The following FBXO25 variants were observed in gnomAD, a reference collection of about 807,000 sequenced individuals.
FBXO25 encodes the protein F-box protein 25, also known as F-box only protein 25.
FBXO25 carries 45 observed loss-of-function variants against 51.9 expected under a neutral mutation model. That is an observed-to-expected ratio of 0.87 (90% CI 0.68 to 1.11). FBXO25 has a LOEUF of 1.11. Among genes scored for constraint, FBXO25 ranks in the 50% most tolerant of loss-of-function variants. FBXO25 has a pLI of 0.00. For missense variants in FBXO25, 507 were observed against 428.5 expected (o/e 1.18, Z -1.62); for synonymous variants, 199 against 151.0 (o/e 1.32, Z -2.33).
rs750173761 is a variant in FBXO25 at position 450,075 on chromosome 8, T to C, written c.467T>C (p.Val156Ala). 1.2e-6 allele frequency: 2 copies of C among 1,609,604 alleles called. No individual in the cohort carries two copies. The highest frequency in any genetic ancestry group is 1.7e-6 in the Non-Finnish European group (2 of 1,176,894). Residue 156 changes from valine to alanine, a missense_variant, in exon 6 of 10, where the codon GTT becomes GCT. By Grantham distance (64) the Val-to-Ala change is moderately conservative. Transcript: ENST00000350302. ...TACTTCAACATTTTGGATAAAATCG[T>C]TCAAAAGGGTAAGATGATCACTGTA... is the stretch of plus-strand genomic sequence containing the variant. ...KNYFNILDKI[V>A]QKVLDDHHNP...
chr8:413,181 A>T lies in FBXO25; in HGVS notation c.102A>T (p.Arg34Ser). 6.2e-7 allele frequency: 1 copy of T among 1,609,352 alleles called. No homozygotes were observed. The highest frequency in any genetic ancestry group is 8.5e-7 in the Non-Finnish European group (1 of 1,178,286). ...RCESCSQKLE[R>S]ENNRCNISHS... ...AATCTTGTAGTCAGAAACTTGAAAG[A>T]GAGAATAACCGTTGTAACATCAGTC... Residue 34 changes from arginine (R) to serine (S), a missense_variant, in exon 2 of 10, where the codon AGA becomes AGT. By Grantham distance (110) the Arg-to-Ser change is moderately radical (BLOSUM62 -1). Coordinates refer to ENST00000350302, the MANE Select transcript of FBXO25 (RefSeq NM_183420.2).
intron 4 of FBXO25, among the ~76,000 whole-genome samples, chr8:434,630 A>T (rs1797996489): frequency 6.6e-6 from 1 of 152,090 alleles, no homozygotes; most frequent in Non-Finnish European, 1.5e-5. Context: ...ATCTCAAGTC[A>T]CCTGTTTGGA....
At chr8:463,174 G>A in intron 9 of FBXO25, 24 bp downstream of exon 9, 1 of 1,600,698 alleles carries the variant, frequency 6.2e-7, no homozygotes, top group Non-Finnish European at 8.5e-7. Flanking sequence ...TGCACTCTTG[G>A]AATTTCAGGA....
chr8:423,332 C>T (rs1348579817), intron 2 of FBXO25, among the ~76,000 whole-genome samples: 3 of 152,118 alleles, frequency 2.0e-5, no homozygotes, highest in Non-Finnish European at 4.4e-5. Flanking sequence ...TACAGGGGGT[C>T]CATGTACAGA....
rs866346341 is a variant in FBXO25, at chr8:463,074, A to G, written c.911A>G (p.Gln304Arg). The G allele has an allele frequency of 6.2e-7, 1 of 1,613,984 alleles. No individual in the cohort carries two copies. Among genetic ancestry groups the G allele is most frequent in the African/African-American group, 1.3e-5 (1 of 74,946 alleles). Residue 304 changes from glutamine to arginine, a missense_variant, in exon 9 of 10, where the codon CAG becomes CGG. Transcript: ENST00000350302. ...TGGAAGTTGATGTACTTTGCACTTCAGAAACATTACCCAGCGAAGGAGCAG... is the reference window on the plus strand; with the variant it reads ...TGGAAGTTGATGTACTTTGCACTTCGGAAACATTACCCAGCGAAGGAGCAG... Reference protein sequence around the residue: ...IEWKLMYFALQKHYPAKEQYG... With the variant: ...IEWKLMYFALRKHYPAKEQYG...
chr8:440,815 C>T (rs1385062705), intron 5 of FBXO25, among the ~76,000 whole-genome samples: 1 of 148,696 alleles, frequency 6.7e-6, no homozygotes, highest in Non-Finnish European at 1.5e-5. Context: ...TCAGCTCCCA[C>T]TTATGAATAA....
At position 477,745 on chromosome 8, in the gene FBXO25, A is replaced by AAAC. The variant is rs1800685740; in HGVS notation, c.*8942_*8944dup. ...GCACCAGTGCATGTGGCTGTGTTCC[A>AAAC]AACTTTTTGGACAATAAAATCTGAA... On this transcript the variant is annotated 3_prime_UTR_variant, in exon 10 of 10. Coordinates refer to ENST00000350302, the MANE Select transcript of FBXO25 (RefSeq NM_183420.2). 6.6e-6 allele frequency: 1 copy of AAAC among 152,312 alleles called. No homozygotes were observed. The highest frequency in any genetic ancestry group is 1.5e-5 in the Non-Finnish European group (1 of 68,046). The allele number at this position is 152,312 out of a possible 1,614,324, so 9.4% of individuals were successfully genotyped here.
chr8:432,995 A>C (rs1797904969), intron 4 of FBXO25, 60 bp downstream of exon 4: 2 of 1,472,456 alleles, frequency 1.4e-6, no homozygotes, highest in Non-Finnish European at 9.0e-7. Flanking sequence ...ATATGGAGTC[A>C]CATTAAATAA....
At chr8:467,875 A>G (rs1418169859) in intron 9 of FBXO25, 1 of 1,570,290 alleles carries the variant, frequency 6.4e-7, no homozygotes, top group East Asian at 2.3e-5. Flanking sequence ...CTTTCTCAGG[A>G]CCCTGAGCAG....
At chr8:467,790 C>G in intron 9 of FBXO25, 3 of 1,611,282 alleles carry the variant, frequency 1.9e-6, no homozygotes, top group Non-Finnish European at 2.5e-6. Context: ...GGGATGAAAA[C>G]GTTGCATCGT....
At chr8:420,758 G>T (rs1013563458) in intron 2 of FBXO25, among the ~76,000 whole-genome samples, 9 of 152,228 alleles carry the variant, frequency 5.9e-5, no homozygotes, top group Admixed American at 2.6e-4. Context: ...GAACAAATCA[G>T]TGGTTGCCAG....
rs1045824140 is a variant in FBXO25 at position 468,054 on chromosome 8, C to T, written c.988-661C>T. 8.4e-6 allele frequency: 10 copies of T among 1,197,430 alleles called. No homozygotes were observed. In the African/African-American group the frequency reaches 1.6e-4, roughly 19 times the overall value. 74.2% of individuals were successfully genotyped at this position (1,197,430 alleles called of 1,614,324 possible). On this transcript the variant is annotated intron_variant, in intron 9 of 9. Transcript: ENST00000350302. Reference sequence around the variant, plus strand: ...TGCCAGGGCATGCCATGGAGAGATCCAGCACTGACCCCAGAGCCTCTGGTC... The same window carrying T: ...TGCCAGGGCATGCCATGGAGAGATCTAGCACTGACCCCAGAGCCTCTGGTC...
intron 4 of FBXO25, among the ~76,000 whole-genome samples, chr8:435,154 G>A (rs1162521521): frequency 1.3e-5 from 2 of 152,132 alleles, no homozygotes; most frequent in South Asian, 2.1e-4. Context: ...CTTCAAACTC[G>A]GGCAGTGCAT....
At chr8:433,984 T>C (rs1797962972) in intron 4 of FBXO25, among the ~76,000 whole-genome samples, 1 of 152,242 alleles carries the variant, frequency 6.6e-6, no homozygotes, top group African/African-American at 2.4e-5. Flanking sequence ...CCATTAAATA[T>C]TTCATCTGCT....
intron 9 of FBXO25, among the ~76,000 whole-genome samples, chr8:464,108 A>G (rs930326967): frequency 1.3e-5 from 2 of 152,084 alleles, no homozygotes; most frequent in Admixed American, 1.3e-4. Context: ...AGCTGGGACC[A>G]GCTGATTTTG....
In FBXO25 at chr8:446,806, T is replaced by C. The variant is rs566449775; in HGVS notation, c.382-3184T>C. Among the ~76,000 whole-genome samples the C allele has an allele frequency of 2.0e-4, 30 of 152,290 alleles. No homozygotes were observed. In the East Asian group the frequency reaches 5.8e-3, roughly 29 times the overall value. ...ATGTTAGAAATCACAGAATGTTTTT[T>C]CCCCCAAAGATTATCATGTAATTGT... is the stretch of plus-strand genomic sequence containing the variant. On this transcript the variant is annotated intron_variant, in intron 5 of 9. Transcript: ENST00000350302.
intron 7 of FBXO25, among the ~76,000 whole-genome samples, chr8:454,890 C>CAAAAGAA (rs1799320558): frequency 9.1e-6 from 1 of 109,628 alleles, no homozygotes; most frequent in Non-Finnish European, 1.8e-5. Context: ...GACTCCATCT[C>CAAAAGAA]AAAAAAAGAA....
At chr8:435,819 T>C (rs1798071871) in intron 5 of FBXO25, 112 bp downstream of exon 5, 4 of 1,454,756 alleles carry the variant, frequency 2.7e-6, no homozygotes, top group Non-Finnish European at 3.7e-6. Flanking sequence ...GGTGTGCCTG[T>C]TTGCTGCGTA....
chr8:423,139 C>A (rs1212385389), intron 2 of FBXO25, among the ~76,000 whole-genome samples: 1 of 150,300 alleles, frequency 6.7e-6, no homozygotes, highest in Non-Finnish European at 1.5e-5. Flanking sequence ...TTTCCATGGG[C>A]AATTGGGACT....
Sources: allele counts gnomAD v4.1 joint callset (sites outside exome capture counted in the v4.1 genomes callset), GRCh38; gene constraint gnomAD v4.1.1; transcripts MANE v1.5; gene names NCBI Gene and HGNC (gene_info 2026-07-23, HGNC 2026-07-21).